UBE2H: variants seen among roughly 807,000 people sequenced by gnomAD.
UBE2H encodes ubiquitin conjugating enzyme E2 H.
UBE2H carries 3 observed loss-of-function variants against 29.0 expected under a neutral mutation model. The ratio of observed to expected loss-of-function variants is 0.10; its 90% CI spans 0.05 to 0.27. The LOEUF (loss-of-function observed/expected upper bound fraction) is 0.27, where lower values mean the gene tolerates loss of function less well. Ranked by LOEUF, UBE2H falls within the 10% of genes least tolerant of loss-of-function variation. The pLI, the probability that UBE2H is intolerant of heterozygous loss-of-function variation, is 1.00. For missense variants in UBE2H, 68 were observed against 228.2 expected, an observed-to-expected ratio of 0.30 and a Z score of 4.52; for synonymous variants, 69 against 82.9, an observed-to-expected ratio of 0.83 and a Z score of 0.91.
chr7:129,901,256 G>A (rs1377642267), intron 1 of UBE2H, among the ~76,000 whole-genome samples: 4 of 152,184 alleles, frequency 2.6e-5, no homozygotes, highest in Non-Finnish European at 5.9e-5. Context: ...TGGCTGGTGA[G>A]TTGTGGAGGG....
chr7:129,859,642 G>C lies in UBE2H; in HGVS notation c.206-701C>G, dbSNP rs577195013. 3.3e-5 allele frequency among the ~76,000 whole-genome samples: 5 copies of C among 152,174 alleles called. No homozygotes were observed. In the East Asian group the frequency reaches 9.6e-4, roughly 29 times the overall value. On this transcript the variant is annotated intron_variant, in intron 3 of 6. Coordinates refer to ENST00000355621, the MANE Select transcript of UBE2H (RefSeq NM_003344.4). Reference sequence around the variant, plus strand: ...CAAGTACACACTTTAATAGCTATATGGCCATTTGAACTTCAAGGAGAAATT... The same window carrying C: ...CAAGTACACACTTTAATAGCTATATCGCCATTTGAACTTCAAGGAGAAATT...
intron 3 of UBE2H, among the ~76,000 whole-genome samples, chr7:129,872,779 G>A (rs941280107): frequency 7.6e-6 from 1 of 131,632 alleles, no homozygotes; most frequent in African/African-American, 2.8e-5. Context: ...GGAGGCAGAG[G>A]TTGCAGTTAG....
chr7:129,839,325 A>G lies in UBE2H; in HGVS notation c.309T>C (p.Asn103=), dbSNP rs756862862. 6.2e-7 allele frequency: 1 copy of G among 1,613,354 alleles called. No homozygotes were observed. Among genetic ancestry groups the G allele is most frequent in the Non-Finnish European group, 8.5e-7 (1 of 1,179,744 alleles). The part of the protein sequence containing the change: ...QTWTALYDLT[N]IFESFLPQLL... Reference sequence around the variant, plus strand: ...ACTGAGGCAGGAAGGACTCAAATATATTGGTAAGATCTGAAAAACCAAACA... The same window carrying G: ...ACTGAGGCAGGAAGGACTCAAATATGTTGGTAAGATCTGAAAAACCAAACA... The change falls in exon 6 of 7, where the codon AAT becomes AAC. Residue 103 remains asparagine, a synonymous_variant. Coordinates refer to ENST00000355621, the MANE Select transcript of UBE2H (RefSeq NM_003344.4).
chr7:129,910,825 T>C (rs371655136), intron 1 of UBE2H, among the ~76,000 whole-genome samples: 7 of 151,940 alleles, frequency 4.6e-5, no homozygotes, highest in East Asian at 1.9e-4. Flanking sequence ...GAGGTTGCAG[T>C]GAGCAGAGAG....
At chr7:129,916,344 CTT>C (rs896026491) in intron 1 of UBE2H, among the ~76,000 whole-genome samples, 3 of 151,682 alleles carry the variant, frequency 2.0e-5, no homozygotes, top group Non-Finnish European at 4.4e-5. Flanking sequence ...CTTCTACAAA[CTT>C]TAACAAGTTT....
intron 1 of UBE2H, among the ~76,000 whole-genome samples, chr7:129,934,945 ATG>A (rs931298994): frequency 2.2e-5 from 2 of 91,234 alleles, no homozygotes; most frequent in African/African-American, 3.5e-5. Context: ...ATATATATAT[ATG>A]TGTGTGTGTG....
chr7:129,885,926 G>C (rs1016611286), intron 1 of UBE2H, among the ~76,000 whole-genome samples: 3 of 152,178 alleles, frequency 2.0e-5, no homozygotes, highest in African/African-American at 7.2e-5. Flanking sequence ...GAGAGACCAC[G>C]AGTTTCTTTC....
chr7:129,901,201 G>T (rs535467279), intron 1 of UBE2H, among the ~76,000 whole-genome samples: 2 of 152,320 alleles, frequency 1.3e-5, no homozygotes, highest in Admixed American at 1.3e-4. Context: ...ATGAGTATTT[G>T]TATTTAAATG....
In UBE2H at chr7:129,839,563, T is replaced by G. The variant is rs1203457475; in HGVS notation, c.299-228A>C. 14 of 446,360 alleles carry G rather than the reference T, an allele frequency of 3.1e-5. No individual in the cohort carries two copies. The South Asian group carries it at 3.2e-4, about 10-fold the overall frequency. The allele number at this position is 446,360 out of a possible 1,614,324, so 27.6% of individuals were successfully genotyped here. A position where few individuals can be genotyped will look rare whatever the true frequency, so the allele number is the denominator to read the frequency against. On this transcript the variant is annotated intron_variant, in intron 5 of 6. Coordinates refer to ENST00000355621, the MANE Select transcript of UBE2H (RefSeq NM_003344.4). ...GATAAAGATATACCTGACATTCACT[T>G]TGAAGGACAATTTTCCCAATTCTAT...
intron 1 of UBE2H, among the ~76,000 whole-genome samples, chr7:129,897,143 T>C (rs1233022745): frequency 6.6e-6 from 1 of 151,916 alleles, no homozygotes; most frequent in African/African-American, 2.4e-5. Context: ...CTCATCTTCC[T>C]TTCCTTCCCT....
intron 1 of UBE2H, among the ~76,000 whole-genome samples, chr7:129,947,256 A>G (rs529036254): frequency 1.3e-5 from 2 of 152,360 alleles, no homozygotes; most frequent in South Asian, 2.1e-4. Context: ...CCAGTATGTT[A>G]TATTTGTCAC....
intron 3 of UBE2H, among the ~76,000 whole-genome samples, chr7:129,876,325 T>C (rs2116361681): frequency 6.6e-6 from 1 of 152,278 alleles, no homozygotes; most frequent in South Asian, 2.1e-4. Context: ...ACCAGTCCAC[T>C]GACCAATCAC....
intron 1 of UBE2H, among the ~76,000 whole-genome samples, chr7:129,886,338 A>G (rs1806359191): frequency 6.6e-6 from 1 of 152,218 alleles, no homozygotes; most frequent in Admixed American, 6.5e-5. Context: ...TGCCATTATG[A>G]TTACACAATC....
intron 5 of UBE2H, among the ~76,000 whole-genome samples, chr7:129,850,814 CAAAA>C (rs796732590): frequency 9.8e-6 from 1 of 101,854 alleles, no homozygotes; most frequent in African/African-American, 3.9e-5. Flanking sequence ...GACTCTGTCT[CAAAA>C]AAGAAAGAGA....
chr7:129,879,665 C>A, intron 2 of UBE2H, 23 bp from the exon 3 acceptor site: 1 of 1,591,518 alleles, frequency 6.3e-7, no homozygotes, highest in South Asian at 1.1e-5. Flanking sequence ...TAAAAATGTT[C>A]ATCAGAACTA....
At chr7:129,879,355 T>C (rs1806209615) in intron 3 of UBE2H, among the ~76,000 whole-genome samples, 1 of 152,190 alleles carries the variant, frequency 6.6e-6, no homozygotes, top group Non-Finnish European at 1.5e-5. Flanking sequence ...TCTAAAGTAA[T>C]GGTCATTATA....
chr7:129,835,128 A>T, intron 6 of UBE2H, 67 bp from the exon 7 acceptor site: 2 of 1,605,942 alleles, frequency 1.2e-6, no homozygotes, highest in Non-Finnish European at 1.7e-6. Context: ...GCGACCCCAA[A>T]AAGCTGGCAA....
intron 1 of UBE2H, among the ~76,000 whole-genome samples, chr7:129,906,088 T>C (rs997600717): frequency 3.9e-5 from 6 of 152,174 alleles, no homozygotes; most frequent in Non-Finnish European, 5.9e-5. Flanking sequence ...TCAAGAGATA[T>C]GGAATTTTTA....
intron 1 of UBE2H, among the ~76,000 whole-genome samples, chr7:129,926,229 G>A (rs982307454): frequency 6.6e-6 from 1 of 151,456 alleles, no homozygotes; most frequent in Non-Finnish European, 1.5e-5. Context: ...CCTGGCCTCG[G>A]CCCGGCACAG....
Sources: allele counts gnomAD v4.1 joint callset (sites outside exome capture counted in the v4.1 genomes callset), GRCh38; gene constraint gnomAD v4.1.1; transcripts MANE v1.5; gene names NCBI Gene and HGNC (gene_info 2026-07-23, HGNC 2026-07-21).